Variants in SBK1 observed in about 807,000 individuals in gnomAD.
SBK1 encodes SH3 domain binding kinase 1, also known as serine/threonine-protein kinase SBK1.
In SBK1, 11 loss-of-function variants were observed where a neutral mutation model predicts 24.4. The observed-to-expected ratio is 0.45, with a 90% CI of 0.28 to 0.75. SBK1 has a LOEUF of 0.75. Ranked by LOEUF, SBK1 falls within the 30% of genes least tolerant of loss-of-function variation. The probability of loss-of-function intolerance (pLI) is 0.12; values close to 1 mark genes in which losing one functional copy is unlikely to be tolerated. For synonymous variants in SBK1, 308 were observed against 284.4 expected (o/e 1.08, Z -0.83); for missense variants, 467 against 620.5 (o/e 0.75, Z 2.63).
intron 1 of SBK1, among the ~76,000 whole-genome samples, chr16:28,284,042 T>C (rs770421862): frequency 6.6e-6 from 1 of 152,208 alleles, no homozygotes; most frequent in Admixed American, 6.5e-5. Flanking sequence ...TTGTACGCTG[T>C]CTCTGTGAGC....
chr16:28,295,117 A>C (rs1457689345), intron 1 of SBK1, among the ~76,000 whole-genome samples: 1 of 152,206 alleles, frequency 6.6e-6, no homozygotes, highest in Non-Finnish European at 1.5e-5. Flanking sequence ...AAGGCAGTGG[A>C]ACCAGAGGCT....
At chr16:28,312,089 C>T (rs1308100499) in intron 1 of SBK1, among the ~76,000 whole-genome samples, 1 of 152,222 alleles carries the variant, frequency 6.6e-6, no homozygotes, top group Non-Finnish European at 1.5e-5. Context: ...CTCAGCAGCC[C>T]TTGGGGACTC....
intron 1 of SBK1, among the ~76,000 whole-genome samples, chr16:28,276,180 G>A (rs1656856804): frequency 6.6e-6 from 1 of 152,188 alleles, no homozygotes. Flanking sequence ...AGAGGAGGAG[G>A]TGGGAAGTCA....
chr16:28,294,411 G>GGCA (rs1278712885), intron 1 of SBK1, among the ~76,000 whole-genome samples: 11 of 152,168 alleles, frequency 7.2e-5, no homozygotes, highest in African/African-American at 2.7e-4. Flanking sequence ...GGCTCGGGAA[G>GGCA]GCAGGACCCA....
intron 1 of SBK1, among the ~76,000 whole-genome samples, chr16:28,280,333 TGTA>T (rs1415621025): frequency 9.6e-5 from 10 of 104,292 alleles, no homozygotes; most frequent in Admixed American, 9.1e-4. Flanking sequence ...TACGTACATA[TGTA>T]TATATATATA....
intron 1 of SBK1, among the ~76,000 whole-genome samples, chr16:28,305,002 C>A (rs944153238): frequency 6.6e-6 from 1 of 152,062 alleles, no homozygotes; most frequent in African/African-American, 2.4e-5. Context: ...CTCCACCTCC[C>A]GGGTTCAAGT....
At chr16:28,305,679 C>A (rs1427656741) in intron 1 of SBK1, among the ~76,000 whole-genome samples, 1 of 151,478 alleles carries the variant, frequency 6.6e-6, no homozygotes, top group Non-Finnish European at 1.5e-5. Flanking sequence ...TTACAGGCGC[C>A]TGCCACCACA....
chr16:28,311,802 C>G (rs961137300), intron 1 of SBK1, among the ~76,000 whole-genome samples: 3 of 152,204 alleles, frequency 2.0e-5, no homozygotes, highest in Non-Finnish European at 4.4e-5. Flanking sequence ...CAGTGGGGGG[C>G]ACACATGGGG....
At chr16:28,281,407 C>G (rs556523847) in intron 1 of SBK1, among the ~76,000 whole-genome samples, 191 of 152,262 alleles carry the variant, frequency 1.3e-3, no homozygotes, top group African/African-American at 4.5e-3. Context: ...CACCCTGTGT[C>G]CCTCCCCGAG....
At chr16:28,303,443 T>C (rs2141582063) in intron 1 of SBK1, among the ~76,000 whole-genome samples, 1 of 151,860 alleles carries the variant, frequency 6.6e-6, no homozygotes, top group East Asian at 1.9e-4. Context: ...TTTATGCAAA[T>C]ACAAATGAGA....
In SBK1 at chr16:28,273,306, C is replaced by T. The variant is rs148617222; in HGVS notation, c.257+13804C>T. On this transcript the variant is annotated intron_variant, in intron 1 of 3. Coordinates refer to the SBK1 transcript ENST00000671413. The stretch of plus-strand genomic sequence containing the variant: ...CGCAGTCTCGGCTCACTGCAACTTC[C>T]GCCTCCTGGGTTCAAGCAATTCTCC... 8.8e-3 allele frequency among the ~76,000 whole-genome samples: 1,336 copies of T among 151,966 alleles called. 18 individuals are homozygous for T. Among genetic ancestry groups the T allele is most frequent in the African/African-American group, 0.031 (1,266 of 41,440 alleles).
At chr16:28,283,430 T>C (rs1352724060) in intron 1 of SBK1, among the ~76,000 whole-genome samples, 1 of 152,160 alleles carries the variant, frequency 6.6e-6, no homozygotes, top group Admixed American at 6.5e-5. Context: ...GTCTGCTGTG[T>C]TGGCCTCCTC....
chr16:28,260,084 T>TTGTG (rs71140958), intron 1 of SBK1, among the ~76,000 whole-genome samples: 98,494 of 149,798 alleles, frequency 0.66, 35,053 homozygotes, highest in Non-Finnish European at 0.8. Flanking sequence ...GTGTATTTGC[T>TTGTG]TGTGTGTGTG....
In SBK1 at chr16:28,320,799, G is replaced by C; in HGVS notation, c.1153G>C (p.Val385Leu). ...CGTGCCGGTGCCGGTGCCAGTGCCC[G>C]TGCCGGTGCCTGTGCCCGAGCCCGG... ...LPVPVPVPVP[V>L]PVPVPEPGLA... The change falls in exon 4 of 4, where the codon GTG becomes CTG. Residue 385 changes from valine (V) to leucine (L), a missense_variant. By Grantham distance (32) the Val-to-Leu change is conservative. Transcript: ENST00000341901. This position sits in a 1 kb window ranked among gnomAD's most constrained non-coding sequence, Gnocchi z 8.5. The C allele has an allele frequency of 1.4e-6, 2 of 1,435,386 alleles. No homozygotes were observed. Among genetic ancestry groups the C allele is most frequent in the Admixed American group, 2.3e-5 (1 of 43,198 alleles). The allele number at this position is 1,435,386 out of a possible 1,614,324, so 88.9% of individuals were successfully genotyped here. A position where few individuals can be genotyped will look rare whatever the true frequency, so the allele number is the denominator to read the frequency against.
intron 1 of SBK1, among the ~76,000 whole-genome samples, chr16:28,261,292 A>C (rs1597006155): frequency 6.6e-6 from 1 of 152,152 alleles, no homozygotes; most frequent in East Asian, 1.9e-4. Flanking sequence ...AACGAATATG[A>C]CATTGAAAGA....
chr16:28,260,084 T>TTCTG (rs2044388308), intron 1 of SBK1, among the ~76,000 whole-genome samples: 1 of 149,822 alleles, frequency 6.7e-6, no homozygotes, highest in Non-Finnish European at 1.5e-5. Flanking sequence ...GTGTATTTGC[T>TTCTG]TGTGTGTGTG....
intron 1 of SBK1, among the ~76,000 whole-genome samples, chr16:28,277,613 C>T (rs2044502117): frequency 6.6e-6 from 1 of 152,174 alleles, no homozygotes; most frequent in South Asian, 2.1e-4. Flanking sequence ...GAGCCATGAT[C>T]ACACCTCTGC....
intron 1 of SBK1, among the ~76,000 whole-genome samples, chr16:28,314,697 G>A (rs773719261): frequency 1.3e-5 from 2 of 152,114 alleles, no homozygotes; most frequent in Non-Finnish European, 2.9e-5. Flanking sequence ...GAGGGAGAAG[G>A]GGCCAGGTGC....
Position 28,320,042 on chromosome 16 carries a change from T to C in SBK1, c.430-34T>C. 6.9e-7 allele frequency: 1 copy of C among 1,447,716 alleles called. No homozygotes were observed. Among genetic ancestry groups the C allele is most frequent in the African/African-American group, 1.5e-5 (1 of 68,610 alleles). 89.7% of individuals were successfully genotyped at this position (1,447,716 alleles called of 1,614,324 possible). Reference sequence around the variant, plus strand: ...GGCGGCGGGGCGGGCGCTGGAGAGCTGGAAACAGCGCGGCTTCCCCCGGCC... The same window carrying C: ...GGCGGCGGGGCGGGCGCTGGAGAGCCGGAAACAGCGCGGCTTCCCCCGGCC... On this transcript the variant is annotated intron_variant, in intron 3 of 3. Coordinates refer to ENST00000341901, the MANE Select transcript of SBK1 (RefSeq NM_001024401.3). This position sits in a 1 kb window ranked among gnomAD's most constrained non-coding sequence, Gnocchi z 8.5.
Sources: gnomAD v4.1 joint callset for allele counts (sites outside exome capture counted in the v4.1 genomes callset) on GRCh38, gnomAD v4.1.1 for gene constraint, Gnocchi (gnomAD v3.1) non-coding constraint, MANE v1.5 for transcripts, NCBI Gene and HGNC (gene_info 2026-07-23, HGNC 2026-07-21) for gene names.